The following TNFAIP2 variants were observed in gnomAD, a reference collection of about 807,000 sequenced individuals.
TNFAIP2 encodes the protein tumor necrosis factor alpha-induced protein 2.
Under a neutral mutation model 63.5 loss-of-function variants are expected in TNFAIP2, and 47 were observed. The ratio of observed to expected loss-of-function variants is 0.74; its 90% confidence interval spans 0.59 to 0.94. The LOEUF (loss-of-function observed/expected upper bound fraction) is 0.94. Among genes scored for constraint, TNFAIP2 ranks in the 40% least tolerant of loss-of-function variants. The pLI, the probability that TNFAIP2 is intolerant of heterozygous loss-of-function variation, is 0.00. For missense variants in TNFAIP2, 787 were observed against 850.2 expected (o/e 0.93, Z 0.92); for synonymous variants, 405 against 390.2 (o/e 1.04, Z -0.45).
rs2088083537 is a variant in TNFAIP2 at position 103,135,802 on chromosome 14, T to G, written c.*442T>G. The stretch of plus-strand genomic sequence containing the variant: ...GGGGCCGAGCCTCACCCATCTGCCC[T>G]CTGCAGCCCAGGGCCGCCGTGAGCG... On this transcript the variant is annotated 3_prime_UTR_variant, in exon 12 of 12. Coordinates refer to ENST00000560869, the MANE Select transcript of TNFAIP2 (RefSeq NM_006291.4). This position sits in a 1 kb window ranked among gnomAD's most constrained non-coding sequence, Gnocchi z 7.6. 7.7e-7 allele frequency: 1 copy of G among 1,294,440 alleles called. No homozygotes were observed. The highest frequency in any genetic ancestry group is 5.4e-5 in the East Asian group (1 of 18,380). 80.2% of individuals were successfully genotyped at this position (1,294,440 alleles called of 1,614,324 possible). A position where few individuals can be genotyped will look rare whatever the true frequency, so the allele number is the denominator to read the frequency against.
upstream of TNFAIP2, chr14:103,122,614 G>C: frequency 4.4e-6 from 2 of 455,190 alleles, no homozygotes; most frequent in Non-Finnish European, 8.8e-6. Flanking sequence ...CAAACCCTGA[G>C]AGACGGTGTG....
chr14:103,132,625 G>A, intron 8 of TNFAIP2, 125 bp from the exon 9 acceptor site: 1 of 1,436,894 alleles, frequency 7.0e-7, no homozygotes. Flanking sequence ...GAGTCCTTGA[G>A]TGCCCCCCGC....
At position 103,135,603 on chromosome 14, in the gene TNFAIP2, G is replaced by C; in HGVS notation, c.*243G>C. On this transcript the variant is annotated 3_prime_UTR_variant, in exon 12 of 12. Transcript: ENST00000560869. The surrounding 1 kb of genome is among the most constrained non-coding windows in gnomAD (Gnocchi z 7.6). ...TGGGCAGCCAACCAGGCAACACCAA[G>C]GACTCTTTGTAAACGATAGCTGATC... 7.2e-7 allele frequency: 1 copy of C among 1,397,802 alleles called. No individual in the cohort carries two copies. Among genetic ancestry groups the C allele is most frequent in the Non-Finnish European group, 9.3e-7 (1 of 1,076,682 alleles). 86.6% of individuals were successfully genotyped at this position (1,397,802 alleles called of 1,614,324 possible).
rs1312888774 is a variant in TNFAIP2, at chr14:103,123,636, G to A, written c.-464G>A. 3 of 152,224 alleles carry A rather than the reference G, an allele frequency of 2.0e-5. No individual in the cohort carries two copies. Among genetic ancestry groups the A allele is most frequent in the African/African-American group, 4.8e-5 (2 of 41,454 alleles). 9.4% of individuals were successfully genotyped at this position (152,224 alleles called of 1,614,324 possible). ...GCTGGACGCTTCCAGGGAAACTGAG[G>A]CCCTGGCGCGCCCAGCGTCCGCGCG... is the stretch of plus-strand genomic sequence containing the variant. On this transcript the variant is annotated 5_prime_UTR_variant, in exon 1 of 12. Coordinates refer to ENST00000560869, the MANE Select transcript of TNFAIP2 (RefSeq NM_006291.4).
chr14:103,135,851 A>G lies in TNFAIP2; in HGVS notation c.*491A>G. On this transcript the variant is annotated 3_prime_UTR_variant, in exon 12 of 12. Coordinates refer to ENST00000560869, the MANE Select transcript of TNFAIP2 (RefSeq NM_006291.4). The surrounding 1 kb of genome is among the most constrained non-coding windows in gnomAD (Gnocchi z 7.6). ...CGGGATTCAGCAATGGTGGAATGGAAGACAGAACTGGAAGAGAAAGAAGGA... is the reference window on the plus strand; with the variant it reads ...CGGGATTCAGCAATGGTGGAATGGAGGACAGAACTGGAAGAGAAAGAAGGA... The G allele has an allele frequency of 7.7e-7, 1 of 1,291,144 alleles. No individual in the cohort carries two copies. Among genetic ancestry groups the G allele is most frequent in the Non-Finnish European group, 1.0e-6 (1 of 990,012 alleles). The allele number at this position is 1,291,144 out of a possible 1,614,324, so 80.0% of individuals were successfully genotyped here.
intron 9 of TNFAIP2, 113 bp downstream of exon 9, chr14:103,132,985 A>C (rs746004730): frequency 5.4e-5 from 80 of 1,483,890 alleles, no homozygotes; most frequent in Non-Finnish European, 6.4e-5. Flanking sequence ...CGCACATGTG[A>C]ACACACGTGA....
chr14:103,121,577 T>C (rs780872026), upstream of TNFAIP2, among the ~76,000 whole-genome samples: 2 of 152,250 alleles, frequency 1.3e-5, no homozygotes, highest in African/African-American at 4.8e-5. Context: ...TTCAGAAGAC[T>C]TTCCTTGTCT....
chr14:103,133,589 G>T (rs1218770750), intron 10 of TNFAIP2, 72 bp downstream of exon 10: 1 of 1,581,546 alleles, frequency 6.3e-7, no homozygotes, highest in Non-Finnish European at 8.6e-7. Context: ...TTTCAGGGTC[G>T]GAGATAGGCC....
chr14:103,132,955 C>T (rs749583521), intron 9 of TNFAIP2, 83 bp downstream of exon 9: 555 of 1,575,604 alleles, frequency 3.5e-4, no homozygotes, highest in Non-Finnish European at 4.3e-4. Context: ...TGTGTACACT[C>T]ACGCACATGT....
intron 10 of TNFAIP2, 68 bp downstream of exon 10, chr14:103,133,585 G>A: frequency 1.3e-6 from 2 of 1,585,074 alleles, no homozygotes; most frequent in Non-Finnish European, 1.7e-6. Context: ...GCCCTTTCAG[G>A]GTCGGAGATA....
In TNFAIP2 at chr14:103,133,403, C is replaced by T; in HGVS notation, c.1587C>T (p.Tyr529=). ...TGCACCTGCACCTGGTGAAGGAGTA[C>T]ATCATCCAACTCAGCAAGGGGCGCC... The part of the protein sequence containing the change: ...EALHLHLVKE[Y]IIQLSKGRLV... The change falls in exon 10 of 12, where the codon TAC becomes TAT. Residue 529 remains tyrosine, a synonymous_variant. Coordinates refer to ENST00000560869, the MANE Select transcript of TNFAIP2 (RefSeq NM_006291.4). 1.2e-6 allele frequency: 2 copies of T among 1,613,914 alleles called. No homozygotes were observed. Among genetic ancestry groups the T allele is most frequent in the African/African-American group, 2.7e-5 (2 of 75,050 alleles).
Position 103,133,445 on chromosome 14 carries a change from C to G in TNFAIP2, c.1629C>G (p.Ala543=). The part of the protein sequence containing the change: ...LSKGRLVLKT[A]EQQQQLAGYI... ...AGGGGCGCCTGGTCCTCAAGACGGCCGAGCAGCAGCAGCAGCTGGCTGGGT... is the reference window on the plus strand; with the variant it reads ...AGGGGCGCCTGGTCCTCAAGACGGCGGAGCAGCAGCAGCAGCTGGCTGGGT... Residue 543 remains alanine (A), a synonymous_variant, in exon 10 of 12, where the codon GCC becomes GCG. Transcript: ENST00000560869. 2 of 1,613,968 alleles carry G rather than the reference C, an allele frequency of 1.2e-6. No individual in the cohort carries two copies. Among genetic ancestry groups the G allele is most frequent in the East Asian group, 2.2e-5 (1 of 44,888 alleles).
Position 103,135,458 on chromosome 14 carries a change from G to A in TNFAIP2, c.*98G>A, listed in dbSNP as rs888951686. On this transcript the variant is annotated 3_prime_UTR_variant, in exon 12 of 12. Transcript: ENST00000560869. This position sits in a 1 kb window ranked among gnomAD's most constrained non-coding sequence, Gnocchi z 7.6. ...GCAGCGCTGGTTCTCGGTTCCTCCC[G>A]GGTCTCCTGTGCTCTGATGCTACTT... The A allele has an allele frequency of 2.8e-5, 43 of 1,512,198 alleles. No homozygotes were observed. Among genetic ancestry groups the A allele is most frequent in the Admixed American group, 1.5e-4 (7 of 45,888 alleles). 93.7% of individuals were successfully genotyped at this position (1,512,198 alleles called of 1,614,324 possible).
At chr14:103,128,042 A>G (rs564925518) in intron 3 of TNFAIP2, among the ~76,000 whole-genome samples, 48 of 152,290 alleles carry the variant, frequency 3.2e-4, no homozygotes, top group African/African-American at 1.0e-3. Context: ...CATGGGCCCA[A>G]AGCAGGCCTG....
At chr14:103,122,544 G>A, upstream of TNFAIP2, 1 of 409,108 alleles carries the variant, frequency 2.4e-6, no homozygotes, top group South Asian at 1.7e-5. Context: ...ATCTCCAGTG[G>A]GTTCCCTTCA....
upstream of TNFAIP2, among the ~76,000 whole-genome samples, chr14:103,122,127 AGGGGT>A (rs1891129850): frequency 2.0e-5 from 3 of 152,046 alleles, no homozygotes; most frequent in South Asian, 6.2e-4. Context: ...CTAGGAGAGA[AGGGGT>A]GGGGTTGGCA....
chr14:103,132,557 A>G, intron 8 of TNFAIP2, 193 bp from the exon 9 acceptor site: 2 of 791,496 alleles, frequency 2.5e-6, no homozygotes, highest in Non-Finnish European at 4.2e-6. Flanking sequence ...GGGTGCACAG[A>G]GCCGGCTCCC....
In TNFAIP2 at chr14:103,127,098, CG is replaced by C; in HGVS notation, c.332del (p.Gly111AlafsTer3). On this transcript the variant is annotated frameshift_variant, in exon 3 of 12. Transcript: ENST00000560869. LOFTEE classifies it high-confidence loss of function. The surrounding 1 kb of genome is among the most constrained non-coding windows in gnomAD (Gnocchi z 5.1). ...CGGGAGCTGGCGGCGGCGGCGGCGG[CG>C]GGCGGTGTGAGCGAGGAGGAGCTGG... The part of the protein sequence containing the change: ...LERELAAAAA[A>X]GGVSEEELVR... 1 of 1,101,658 alleles carries C rather than the reference CG, an allele frequency of 9.1e-7. No homozygotes were observed. Among genetic ancestry groups the C allele is most frequent in the Non-Finnish European group, 1.1e-6 (1 of 905,488 alleles). 68.2% of individuals were successfully genotyped at this position (1,101,658 alleles called of 1,614,324 possible).
In TNFAIP2 at chr14:103,126,903, GC is replaced by G. The variant is rs1185629712; in HGVS notation, c.236-99del. On this transcript the variant is annotated intron_variant, in intron 2 of 11. Coordinates refer to ENST00000560869, the MANE Select transcript of TNFAIP2 (RefSeq NM_006291.4). ...TCACCCTTTAGGGTGTTGGCCGCCG[GC>G]CCTGTGCGCGTCTAGGGGAGGACGG... 3 of 1,403,652 alleles carry G rather than the reference GC, an allele frequency of 2.1e-6. No homozygotes were observed. In the African/African-American group the frequency reaches 4.4e-5, roughly 20 times the overall value. The allele number at this position is 1,403,652 out of a possible 1,614,324, so 86.9% of individuals were successfully genotyped here.
Sources: gnomAD v4.1 joint callset for allele counts (sites outside exome capture counted in the v4.1 genomes callset) on GRCh38, gnomAD v4.1.1 for gene constraint, Gnocchi (gnomAD v3.1) non-coding constraint, MANE v1.5 for transcripts, NCBI Gene and HGNC (gene_info 2026-07-23, HGNC 2026-07-21) for gene names.